SAP30BP: variants seen among roughly 807,000 people sequenced by gnomAD.
SAP30BP encodes the protein SAP30-binding protein.
In SAP30BP, 31 loss-of-function variants were observed where a neutral mutation model predicts 46.3. The ratio of observed to expected loss-of-function variants is 0.67; its 90% CI spans 0.50 to 0.90. The LOEUF is 0.90. Ranked by LOEUF, SAP30BP falls within the 40% of genes least tolerant of loss-of-function variation. SAP30BP has a pLI of 0.00. For missense variants in SAP30BP, 312 were observed against 391.0 expected (o/e 0.80, Z 1.70); for synonymous variants, 169 against 144.2 (o/e 1.17, Z -1.23).
chr17:75,689,930 A>G (rs1207868759), intron 3 of SAP30BP, among the ~76,000 whole-genome samples: 2 of 152,118 alleles, frequency 1.3e-5, no homozygotes, highest in Non-Finnish European at 2.9e-5. Context: ...AAAATATTTC[A>G]GTGGGCGAGA....
chr17:75,677,106 C>CTTTTTTTT (rs35919373), intron 3 of SAP30BP, among the ~76,000 whole-genome samples: 2 of 113,494 alleles, frequency 1.8e-5, no homozygotes, highest in South Asian at 2.9e-4. Context: ...TGGCAGAAAA[C>CTTTTTTTT]TTTTTTTTTT....
At chr17:75,692,198 C>A (rs1234013394) in intron 3 of SAP30BP, 6 of 985,352 alleles carry the variant, frequency 6.1e-6, no homozygotes, top group Non-Finnish European at 7.2e-6. Context: ...GAGGGACTTT[C>A]TGGAAAGGGG....
intron 3 of SAP30BP, among the ~76,000 whole-genome samples, chr17:75,677,755 CTTT>C (rs35174866): frequency 1.3e-4 from 15 of 119,246 alleles, no homozygotes; most frequent in African/African-American, 2.5e-4. Context: ...ACACCCAGCC[CTTT>C]TTTTTTTTTT....
chr17:75,702,596 GT>G (rs754445146), intron 6 of SAP30BP, 25 bp downstream of exon 6: 25 of 1,139,626 alleles, frequency 2.2e-5, no homozygotes, highest in African/African-American at 3.0e-5. Context: ...AGCCTGCAGA[GT>G]TTATTGAGTT....
At chr17:75,675,095 T>C (rs570146281) in intron 3 of SAP30BP, among the ~76,000 whole-genome samples, 75 of 152,320 alleles carry the variant, frequency 4.9e-4, no homozygotes, top group African/African-American at 1.8e-3. Context: ...ACTGTCATAA[T>C]TGTCATCTCC....
In SAP30BP at chr17:75,707,257, G is replaced by A. The variant is rs1214996360; in HGVS notation, c.*736G>A. On this transcript the variant is annotated 3_prime_UTR_variant, in exon 11 of 11. Coordinates refer to ENST00000584667, the MANE Select transcript of SAP30BP (RefSeq NM_013260.8). ...CCAGCAGGAGCTGAGCAGCGGGGGA[G>A]ATGAATCACCTCCTGCCTTGGCGAG... The A allele has an allele frequency of 1.3e-5, 2 of 152,260 alleles. No homozygotes were observed. Among genetic ancestry groups the A allele is most frequent in the Admixed American group, 1.3e-4 (2 of 15,280 alleles). The allele number at this position is 152,260 out of a possible 1,614,324, so 9.4% of individuals were successfully genotyped here.
intron 3 of SAP30BP, chr17:75,683,679 T>C (rs953831114): frequency 1.3e-5 from 2 of 152,230 alleles, no homozygotes; most frequent in Non-Finnish European, 2.9e-5. Context: ...CGTGTTCTTA[T>C]TGGAAGTCCA....
intron 3 of SAP30BP, among the ~76,000 whole-genome samples, chr17:75,680,701 C>A (rs75299404): frequency 6.6e-6 from 1 of 152,348 alleles, no homozygotes; most frequent in East Asian, 1.9e-4. Context: ...CACTGCCCTT[C>A]ATGTCTCCAT....
chr17:75,699,975 A>T lies in SAP30BP; in HGVS notation c.396+104A>T. 3.8e-6 allele frequency: 3 copies of T among 789,056 alleles called. No individual in the cohort carries two copies. In the South Asian group the frequency reaches 4.8e-5, roughly 13 times the overall value. 48.9% of individuals were successfully genotyped at this position (789,056 alleles called of 1,614,324 possible). On this transcript the variant is annotated intron_variant, in intron 5 of 10. Transcript: ENST00000584667. ...GAGACCATGGCAGGGAAAGGGACTG[A>T]GGCTTCTATAAAAGAAACTGACAGG...
Position 75,706,071 on chromosome 17 carries a change from A to C in SAP30BP, c.724A>C (p.Thr242Pro). ...CAACGCCACGTCCACCACCACTACC[A>C]CTGCCAGCACAGCTGTTGCAGGTAG... ...TTNATSTTTTTASTAVADAQK... is the reference protein window; with the variant it reads ...TTNATSTTTTPASTAVADAQK... The change falls in exon 10 of 11, where the codon ACT becomes CCT. Residue 242 changes from threonine (T) to proline (P), a missense_variant. Thr to Pro is a conservative substitution (Grantham distance 38). Around this residue, in one of 2 missense-constraint regions of SAP30BP, gnomAD observed 296 missense variants for 346.6 expected, o/e 0.85. Transcript: ENST00000584667. The surrounding 1 kb of genome is among the most constrained non-coding windows in gnomAD (Gnocchi z 4.6). 2 of 1,613,180 alleles carry C rather than the reference A, an allele frequency of 1.2e-6. No homozygotes were observed. The highest frequency in any genetic ancestry group is 1.1e-5 in the South Asian group (1 of 90,984).
At chr17:75,687,828 G>A (rs541189166) in intron 3 of SAP30BP, among the ~76,000 whole-genome samples, 1 of 152,102 alleles carries the variant, frequency 6.6e-6, no homozygotes, top group Non-Finnish European at 1.5e-5. Context: ...CTGTGGAGTT[G>A]ACCAGGCTGG....
intron 3 of SAP30BP, chr17:75,684,575 C>G (rs762059972): frequency 3.3e-5 from 5 of 152,188 alleles, no homozygotes; most frequent in Admixed American, 6.5e-5. Context: ...ATGCCCAAGC[C>G]TACGTAGCAT....
At chr17:75,695,319 A>G (rs1408530732) in intron 4 of SAP30BP, among the ~76,000 whole-genome samples, 2 of 152,186 alleles carry the variant, frequency 1.3e-5, no homozygotes, top group African/African-American at 2.4e-5. Context: ...GACATTGCCA[A>G]ATGTCCCCTT....
At chr17:75,694,398 A>C (rs1478102647) in intron 4 of SAP30BP, among the ~76,000 whole-genome samples, 1 of 152,202 alleles carries the variant, frequency 6.6e-6, no homozygotes, top group Non-Finnish European at 1.5e-5. Context: ...TGTCTTTTGA[A>C]GAAGGATTGG....
chr17:75,688,042 G>A (rs1439484105), intron 3 of SAP30BP, among the ~76,000 whole-genome samples: 2 of 152,092 alleles, frequency 1.3e-5, no homozygotes, highest in Non-Finnish European at 2.9e-5. Context: ...AGTACACAGA[G>A]TAGAGTAGTT....
Position 75,706,600 on chromosome 17 carries a change from T to C in SAP30BP, c.*79T>C, listed in dbSNP as rs1214474656. On this transcript the variant is annotated 3_prime_UTR_variant, in exon 11 of 11. Coordinates refer to ENST00000584667, the MANE Select transcript of SAP30BP (RefSeq NM_013260.8). The surrounding 1 kb of genome is among the most constrained non-coding windows in gnomAD (Gnocchi z 4.6). ...CCAGTGGGAGGCGCCACTTTGTATA[T>C]TTCAGGACTGGGACCTACTCCCCAG... The C allele has an allele frequency of 4.4e-6, 6 of 1,356,108 alleles. No homozygotes were observed. In the East Asian group the frequency reaches 1.4e-4, roughly 31 times the overall value. The allele number at this position is 1,356,108 out of a possible 1,614,324, so 84.0% of individuals were successfully genotyped here. A position where few individuals can be genotyped will look rare whatever the true frequency, so the allele number is the denominator to read the frequency against.
rs1265096173 is a variant in SAP30BP at position 75,704,737 on chromosome 17, G to T, written c.602-19G>T. ...CTGCTCGGGGGCCACCTTTGTAACA[G>T]CTTCTCTTGTCTTCATAGCCAAGGC... On this transcript the variant is annotated intron_variant, in intron 8 of 10. Coordinates refer to ENST00000584667, the MANE Select transcript of SAP30BP (RefSeq NM_013260.8). 1 of 1,609,296 alleles carries T rather than the reference G, an allele frequency of 6.2e-7. No homozygotes were observed. The highest frequency in any genetic ancestry group is 8.5e-7 in the Non-Finnish European group (1 of 1,175,808).
intron 8 of SAP30BP, among the ~76,000 whole-genome samples, chr17:75,704,320 C>T (rs1443725935): frequency 6.6e-6 from 1 of 152,220 alleles, no homozygotes; most frequent in African/African-American, 2.4e-5. Context: ...GCCCAAACCC[C>T]TAGACCATAG....
At chr17:75,680,062 A>G (rs1168251734) in intron 3 of SAP30BP, 1 of 152,140 alleles carries the variant, frequency 6.6e-6, no homozygotes, top group Non-Finnish European at 1.5e-5. Flanking sequence ...GAAAACAAAC[A>G]TGGGGGTTGA....
Sources: gnomAD v4.1 joint callset for allele counts (sites outside exome capture counted in the v4.1 genomes callset) on GRCh38, gnomAD v4.1.1 for gene constraint, gnomAD v4.1.1 regional missense constraint, Gnocchi (gnomAD v3.1) non-coding constraint, MANE v1.5 for transcripts, NCBI Gene and HGNC (gene_info 2026-07-23, HGNC 2026-07-21) for gene names.